DPP10: variants seen among roughly 807,000 people sequenced by gnomAD.
DPP10 encodes the protein dipeptidyl peptidase like 10, also known as inactive dipeptidyl peptidase 10.
DPP10 carries 33 observed loss-of-function variants against 120.9 expected under a neutral mutation model. The ratio of observed to expected loss-of-function variants is 0.27; its 90% CI spans 0.21 to 0.37. The LOEUF is 0.37. Ranked by LOEUF, DPP10 falls within the 10% of genes least tolerant of loss-of-function variation. The pLI, the probability that DPP10 is intolerant of heterozygous loss-of-function variation, is 1.00. For missense variants in DPP10, 816 were observed against 942.8 expected (o/e 0.87, Z 1.76); for synonymous variants, 337 against 326.1 (o/e 1.03, Z -0.36).
At chr2:114,750,346 T>G (rs1679086272) in intron 1 of DPP10, among the ~76,000 whole-genome samples, 1 of 151,956 alleles carries the variant, frequency 6.6e-6, no homozygotes, top group Non-Finnish European at 1.5e-5. Flanking sequence ...ATATTTTTTT[T>G]TTTTTGAGAT....
chr2:115,312,695 A>G (rs1188704376), intron 2 of DPP10, among the ~76,000 whole-genome samples: 2 of 152,144 alleles, frequency 1.3e-5, no homozygotes, highest in African/African-American at 2.4e-5. Flanking sequence ...AAACAGAGCC[A>G]TAAAGAAAAC....
chr2:115,688,773 G>A (rs2091149467), intron 5 of DPP10, among the ~76,000 whole-genome samples: 1 of 152,034 alleles, frequency 6.6e-6, no homozygotes, highest in Admixed American at 6.6e-5. Flanking sequence ...AAATTTAATG[G>A]GTCATGAGTT....
At position 115,746,095 on chromosome 2, in the gene DPP10, G is replaced by A. The variant is rs36044503; in HGVS notation, c.862G>A (p.Val288Met). Residue 288 changes from valine (V) to methionine (M), a missense_variant, in exon 10 of 26, where the codon GTG (valine) becomes ATG (methionine). Around this residue, in one of 3 missense-constraint regions of DPP10, gnomAD observed 592 missense variants for 649.0 expected, o/e 0.91. Coordinates refer to ENST00000410059, the MANE Select transcript of DPP10 (RefSeq NM_020868.6). ...TTTCATTTTCTCAAAGGCAGGTCAA[G>A]TGAACCCAACAATAAAATTATATGT... ...KQYPYPKAGQ[V>M]NPTIKLYVVN... is the part of the protein sequence containing the mutation. The A allele has an allele frequency of 0.1, 167,753 of 1,605,350 alleles. 9,778 individuals are homozygous for A. The highest frequency in any genetic ancestry group is 0.12 in the Non-Finnish European group (138,927 of 1,176,402).
chr2:115,650,192 G>A (rs938149311), intron 5 of DPP10, among the ~76,000 whole-genome samples: 5 of 152,006 alleles, frequency 3.3e-5, no homozygotes, highest in African/African-American at 1.2e-4. Context: ...AATTTCAATC[G>A]TCGAGGTGTA....
chr2:115,169,200 A>G (rs1193861898), intron 1 of DPP10, among the ~76,000 whole-genome samples: 1 of 152,176 alleles, frequency 6.6e-6, no homozygotes, highest in Non-Finnish European at 1.5e-5. Context: ...TCATTCTTTC[A>G]TCTTGAAAAG....
chr2:114,740,310 G>C (rs1470202585), intron 1 of DPP10, among the ~76,000 whole-genome samples: 1 of 139,308 alleles, frequency 7.2e-6, no homozygotes, highest in Non-Finnish European at 1.5e-5. Context: ...TGAACAATGA[G>C]AACACATGGA....
chr2:115,642,512 T>A, intron 5 of DPP10, among the ~76,000 whole-genome samples: 1 of 152,168 alleles, frequency 6.6e-6, no homozygotes, highest in East Asian at 1.9e-4. Flanking sequence ...CCATTAGATT[T>A]TGGACTCTGC....
At chr2:115,353,223 A>C (rs1264284724) in intron 3 of DPP10, among the ~76,000 whole-genome samples, 1 of 152,138 alleles carries the variant, frequency 6.6e-6, no homozygotes, top group Non-Finnish European at 1.5e-5. Flanking sequence ...TCTAGAGGGC[A>C]GATGAGCCCA....
intron 17 of DPP10, among the ~76,000 whole-genome samples, chr2:115,786,488 A>T (rs1683358426): frequency 2.0e-5 from 3 of 152,010 alleles, no homozygotes; most frequent in Admixed American, 6.6e-5. Context: ...AATAGACCTG[A>T]TTCCCTTGTT....
At chr2:115,682,351 G>T (rs987102894) in intron 5 of DPP10, among the ~76,000 whole-genome samples, 1 of 151,856 alleles carries the variant, frequency 6.6e-6, no homozygotes, top group Admixed American at 6.6e-5. Context: ...ACAAACAGTG[G>T]CATTGTCAAT....
At chr2:115,105,060 T>C (rs1049445103) in intron 1 of DPP10, among the ~76,000 whole-genome samples, 2 of 152,166 alleles carry the variant, frequency 1.3e-5, no homozygotes, top group Admixed American at 6.5e-5. Context: ...TTGATTGAAT[T>C]TCCCCATGGT....
At chr2:115,522,193 C>T (rs2077851121) in intron 4 of DPP10, among the ~76,000 whole-genome samples, 1 of 152,120 alleles carries the variant, frequency 6.6e-6, no homozygotes, top group Non-Finnish European at 1.5e-5. Flanking sequence ...AGCTACTGTG[C>T]TCTTTTAAAT....
chr2:114,643,610 C>T (rs1695878427), intron 1 of DPP10, among the ~76,000 whole-genome samples: 1 of 151,754 alleles, frequency 6.6e-6, no homozygotes, highest in African/African-American at 2.4e-5. Context: ...CTAGTTTTCT[C>T]TTCATTTATT....
intron 1 of DPP10, among the ~76,000 whole-genome samples, chr2:114,469,532 A>T (rs1165737679): frequency 6.6e-6 from 1 of 152,094 alleles, no homozygotes; most frequent in Non-Finnish European, 1.5e-5. Context: ...GTTTCAGACC[A>T]GGTTGGCCAA....
intron 1 of DPP10, among the ~76,000 whole-genome samples, chr2:114,589,174 C>T (rs1691254462): frequency 6.6e-6 from 1 of 152,066 alleles, no homozygotes; most frequent in Non-Finnish European, 1.5e-5. Flanking sequence ...GGGCATTCCA[C>T]CTCAGTCTAA....
rs1413213955 is a variant in DPP10, at chr2:114,623,856, A to T, written c.60+181018A>T. 2.0e-5 allele frequency among the ~76,000 whole-genome samples: 3 copies of T among 152,174 alleles called. No individual in the cohort carries two copies. The East Asian group carries it at 5.8e-4, about 29-fold the overall frequency. ...TAATTAAAATTCCTAAAACAATCCA[A>T]TTCAACAGTTACTGAGCAATTACTA... On this transcript the variant is annotated intron_variant, in intron 1 of 25. Transcript: ENST00000410059.
At chr2:115,778,693 G>A (rs573949754) in intron 15 of DPP10, among the ~76,000 whole-genome samples, 1 of 152,142 alleles carries the variant, frequency 6.6e-6, no homozygotes, top group South Asian at 2.1e-4. Context: ...ACTTTCCTTT[G>A]AGAGTAAAAA....
Position 115,470,930 on chromosome 2 carries a change from T to G in DPP10, c.272-28580T>G, listed in dbSNP as rs769106358. Among the ~76,000 whole-genome samples the G allele has an allele frequency of 9.5e-4, 145 of 152,336 alleles. 1 individual carries two copies. Among genetic ancestry groups the G allele is most frequent in the Admixed American group, 1.7e-3 (26 of 15,290 alleles). Reference sequence around the variant, plus strand: ...ATAATATTGTAACTATCTGCAGCTCTTGGACAAAGAGAACCTTTCCAGAAG... The same window carrying G: ...ATAATATTGTAACTATCTGCAGCTCGTGGACAAAGAGAACCTTTCCAGAAG... On this transcript the variant is annotated intron_variant, in intron 3 of 25. Coordinates refer to ENST00000410059, the MANE Select transcript of DPP10 (RefSeq NM_020868.6).
chr2:115,092,591 T>C (rs1330919279), intron 1 of DPP10, among the ~76,000 whole-genome samples: 1 of 152,136 alleles, frequency 6.6e-6, no homozygotes, highest in Non-Finnish European at 1.5e-5. Context: ...TCAATATATA[T>C]ATATGAAAAG....
Sources: gnomAD v4.1 joint callset for allele counts (sites outside exome capture counted in the v4.1 genomes callset) on GRCh38, gnomAD v4.1.1 for gene constraint, gnomAD v4.1.1 regional missense constraint, MANE v1.5 for transcripts, NCBI Gene and HGNC (gene_info 2026-07-23, HGNC 2026-07-21) for gene names.